NELL2: variants seen among roughly 807,000 people sequenced by gnomAD.
The protein encoded by NELL2 is neural EGFL like 2, also known as protein kinase C-binding protein NELL2.
In NELL2, 41 loss-of-function variants were observed where a neutral mutation model predicts 109.6. The ratio of observed to expected loss-of-function variants is 0.37; its 90% confidence interval spans 0.29 to 0.49. The LOEUF is 0.49. Among genes scored for constraint, NELL2 ranks in the 20% least tolerant of loss-of-function variants. NELL2 has a pLI of 0.98. For missense variants in NELL2, 900 were observed against 1,008.3 expected, an observed-to-expected ratio of 0.89 and a Z score of 1.45; for synonymous variants, 355 against 344.7, an observed-to-expected ratio of 1.03 and a Z score of -0.33.
chr12:44,876,187 C>G lies in NELL2; in HGVS notation c.-318G>C. ...TCCGTCGGGGAATTAGCTCCCGAGC[C>G]GAATAAAAGCAGCCAAAGACTCGCA... On this transcript the variant is annotated 5_prime_UTR_variant, in exon 1 of 20. Transcript: ENST00000429094. 1 of 1,227,210 alleles carries G rather than the reference C, an allele frequency of 8.1e-7. No individual in the cohort carries two copies. Among genetic ancestry groups the G allele is most frequent in the Non-Finnish European group, 1.0e-6 (1 of 978,972 alleles). The allele number at this position is 1,227,210 out of a possible 1,614,324, so 76.0% of individuals were successfully genotyped here.
chr12:44,800,374 CGA>C (rs147768132), intron 3 of NELL2, among the ~76,000 whole-genome samples: 2 of 150,740 alleles, frequency 1.3e-5, no homozygotes, highest in African/African-American at 2.4e-5. Context: ...TGAATTGAGA[CGA>C]GAGAGAGAGA....
At chr12:44,510,948 AC>A (rs976587029) in intron 19 of NELL2, among the ~76,000 whole-genome samples, 5 of 152,206 alleles carry the variant, frequency 3.3e-5, no homozygotes, top group African/African-American at 7.2e-5. Context: ...TGATGGGTGT[AC>A]CAGTTCCTGG....
At chr12:44,912,866 C>A (rs568527695) in intron 1 of NELL2, among the ~76,000 whole-genome samples, 6 of 152,280 alleles carry the variant, frequency 3.9e-5, no homozygotes, top group East Asian at 3.9e-4. Context: ...TGGTAGCCAA[C>A]CTGCCTGGGT....
At chr12:44,908,960 A>T (rs1341412702) in intron 1 of NELL2, among the ~76,000 whole-genome samples, 1 of 151,970 alleles carries the variant, frequency 6.6e-6, no homozygotes, top group Non-Finnish European at 1.5e-5. Context: ...GTTTGACCTT[A>T]AAAAATACCT....
At chr12:44,580,507 G>A (rs1175487581) in intron 15 of NELL2, among the ~76,000 whole-genome samples, 3 of 152,110 alleles carry the variant, frequency 2.0e-5, no homozygotes, top group South Asian at 2.1e-4. Flanking sequence ...GCCTGAGCTC[G>A]GGAGTTCGAA....
chr12:44,553,844 C>T (rs1270552784), intron 15 of NELL2, among the ~76,000 whole-genome samples: 1 of 152,148 alleles, frequency 6.6e-6, no homozygotes, highest in Non-Finnish European at 1.5e-5. Flanking sequence ...AAAGAGACTG[C>T]TCATTTCTAT....
chr12:44,563,324 TA>T lies in NELL2; in HGVS notation c.1664-30604del, dbSNP rs569906839. On this transcript the variant is annotated intron_variant, in intron 15 of 19. Transcript: ENST00000429094. ...AACTTAAAGTATAATAAAAAAAAATTAAAAAAAAAGAATGGAACATCAGAAG... is the reference window on the plus strand; with the variant it reads ...AACTTAAAGTATAATAAAAAAAAATTAAAAAAAAGAATGGAACATCAGAAG... 4.9e-3 allele frequency among the ~76,000 whole-genome samples: 741 copies of T among 151,074 alleles called. 6 individuals are homozygous for T. The highest frequency in any genetic ancestry group is 0.015 in the African/African-American group (631 of 41,242).
rs952445831 is a variant in NELL2 at position 44,565,015 on chromosome 12, G to T, written c.1664-32294C>A. On this transcript the variant is annotated intron_variant, in intron 15 of 19. Transcript: ENST00000429094. Reference sequence around the variant, plus strand: ...TCCTCTGAGGATGCCTTACAAAAATGGATATTTTTAATCTTTTTCCTAGAC... The same window carrying T: ...TCCTCTGAGGATGCCTTACAAAAATTGATATTTTTAATCTTTTTCCTAGAC... Among the ~76,000 whole-genome samples, 4 of 152,072 alleles carry T rather than the reference G, an allele frequency of 2.6e-5. No homozygotes were observed. In the South Asian group the frequency reaches 6.2e-4, roughly 24 times the overall value.
At chr12:44,830,304 C>T (rs1281214000) in intron 2 of NELL2, among the ~76,000 whole-genome samples, 1 of 152,174 alleles carries the variant, frequency 6.6e-6, no homozygotes, top group African/African-American at 2.4e-5. Context: ...TACTGAAATG[C>T]ACAATTTCAT....
chr12:44,849,066 G>A (rs1235585176), intron 2 of NELL2, among the ~76,000 whole-genome samples: 1 of 152,090 alleles, frequency 6.6e-6, no homozygotes, highest in Non-Finnish European at 1.5e-5. Context: ...GTTTCTTTCT[G>A]TTGAATTTAC....
chr12:44,916,526 T>G (rs904715071), upstream of NELL2, among the ~76,000 whole-genome samples: 24 of 152,206 alleles, frequency 1.6e-4, no homozygotes, highest in African/African-American at 5.8e-4. Flanking sequence ...AGGGCACCAC[T>G]GTGATTTTTT....
intron 14 of NELL2, among the ~76,000 whole-genome samples, chr12:44,609,826 C>A (rs1371277032): frequency 6.6e-6 from 1 of 151,990 alleles, no homozygotes; most frequent in East Asian, 1.9e-4. Context: ...CTACCTCACA[C>A]AGACACGGTA....
At chr12:44,798,946 C>CTTTTTTT (rs1157006162) in intron 3 of NELL2, among the ~76,000 whole-genome samples, 5 of 77,434 alleles carry the variant, frequency 6.5e-5, no homozygotes, top group African/African-American at 1.2e-4. Flanking sequence ...ATGATTTCCA[C>CTTTTTTT]TTTTTTTTTT....
chr12:44,815,883 T>A, intron 3 of NELL2, 103 bp downstream of exon 3: 3 of 1,320,524 alleles, frequency 2.3e-6, no homozygotes, highest in Non-Finnish European at 3.1e-6. Flanking sequence ...TCCCAAATCA[T>A]AAAGAGATAT....
intron 1 of NELL2, among the ~76,000 whole-genome samples, chr12:44,912,611 T>C (rs1945792040): frequency 6.6e-6 from 1 of 152,178 alleles, no homozygotes; most frequent in Admixed American, 6.5e-5. Context: ...TTAAATTGGC[T>C]TCCCACCACA....
At chr12:44,720,504 C>T (rs185660551) in intron 9 of NELL2, among the ~76,000 whole-genome samples, 90 of 152,280 alleles carry the variant, frequency 5.9e-4, no homozygotes, top group East Asian at 3.7e-3. Context: ...ACATTTGAAA[C>T]ATCTGAAATG....
chr12:44,613,535 T>C (rs764346733), intron 13 of NELL2, among the ~76,000 whole-genome samples: 19 of 152,142 alleles, frequency 1.2e-4, no homozygotes, highest in Non-Finnish European at 2.4e-4. Flanking sequence ...TTTTATTTGA[T>C]TTTGGATATT....
chr12:44,690,328 T>G (rs1948860904), intron 12 of NELL2, among the ~76,000 whole-genome samples: 1 of 152,196 alleles, frequency 6.6e-6, no homozygotes, highest in East Asian at 1.9e-4. Context: ...CACTAAATTA[T>G]TAAGATGATA....
chr12:44,758,761 T>A (rs1940999666), intron 9 of NELL2, among the ~76,000 whole-genome samples: 1 of 152,182 alleles, frequency 6.6e-6, no homozygotes, highest in African/African-American at 2.4e-5. Flanking sequence ...CCTCATTCCT[T>A]AACTGCCACT....
Sources: gnomAD v4.1 joint callset for allele counts (sites outside exome capture counted in the v4.1 genomes callset) on GRCh38, gnomAD v4.1.1 for gene constraint, MANE v1.5 for transcripts, NCBI Gene and HGNC (gene_info 2026-07-23, HGNC 2026-07-21) for gene names.